Variants in ANKRD44 observed in about 807,000 individuals in gnomAD.
The protein encoded by ANKRD44 is ankyrin repeat domain 44.
ANKRD44 carries 35 observed loss-of-function variants against 116.0 expected under a neutral mutation model. That is an observed-to-expected ratio of 0.30 (90% CI 0.23 to 0.40). ANKRD44 has a LOEUF of 0.40. ANKRD44 is among the 10% of genes least tolerant of loss of function. The pLI is 1.00. For missense variants in ANKRD44, 1,014 were observed against 1,242.6 expected, an observed-to-expected ratio of 0.82 and a Z score of 2.77; for synonymous variants, 435 against 461.8, an observed-to-expected ratio of 0.94 and a Z score of 0.74.
At chr2:197,092,424 T>C (rs1185935568) in intron 10 of ANKRD44, among the ~76,000 whole-genome samples, 1 of 152,240 alleles carries the variant, frequency 6.6e-6, no homozygotes, top group Non-Finnish European at 1.5e-5. Context: ...GATGTGTGTG[T>C]GACTGTGAAA....
intron 8 of ANKRD44, 79 bp from the exon 9 acceptor site, chr2:197,110,923 A>G (rs2078550073): frequency 1.1e-6 from 1 of 925,902 alleles, no homozygotes; most frequent in African/African-American, 1.6e-5. Context: ...CCCTATGGAC[A>G]CTCCTAATAA....
chr2:197,289,973 A>T (rs567283008), intron 1 of ANKRD44, among the ~76,000 whole-genome samples: 1 of 151,200 alleles, frequency 6.6e-6, no homozygotes, highest in African/African-American at 2.4e-5. Flanking sequence ...AATTCTCCTA[A>T]CCTCAGCCTC....
intron 25 of ANKRD44, among the ~76,000 whole-genome samples, chr2:196,996,897 T>A (rs187089141): frequency 0.032 from 2,785 of 87,892 alleles, 38 homozygotes; most frequent in Non-Finnish European, 0.037. Context: ...AGTAAGACTC[T>A]GCCTCAAAAA....
intron 16 of ANKRD44, among the ~76,000 whole-genome samples, chr2:197,068,412 A>AAT (rs1559036743): frequency 6.7e-6 from 1 of 149,360 alleles, no homozygotes; most frequent in Non-Finnish European, 1.5e-5. Flanking sequence ...AATAAAATAA[A>AAT]AAAAAATAAA....
At chr2:197,265,872 TA>T (rs2082728623) in intron 1 of ANKRD44, among the ~76,000 whole-genome samples, 1 of 152,148 alleles carries the variant, frequency 6.6e-6, no homozygotes, top group African/African-American at 2.4e-5. Context: ...CAGTATGACA[TA>T]AGAGTTCTAA....
intron 16 of ANKRD44, among the ~76,000 whole-genome samples, chr2:197,043,840 T>C (rs912413884): frequency 1.3e-5 from 2 of 152,120 alleles, no homozygotes; most frequent in African/African-American, 4.8e-5. Flanking sequence ...TAGGGACATA[T>C]TTGAAAGCAC....
chr2:197,005,838 T>C lies in ANKRD44; in HGVS notation c.2203A>G (p.Arg735Gly). ...GCATAGTGCAAGGGCGTCCTCCCTC[T>C]GGAATCTTTACAGAGAATTGACACT... ...QEVSILCKDS[R>G]GRTPLHYAAA... Residue 735 changes from arginine (R) to glycine (G), a missense_variant, in exon 21 of 28, where the codon AGA (arginine) becomes GGA (glycine). By Grantham distance (125) the Arg-to-Gly change is moderately radical (BLOSUM62 -2). Coordinates refer to ENST00000282272, the MANE Select transcript of ANKRD44 (RefSeq NM_001195144.2). 6.2e-7 allele frequency: 1 copy of C among 1,614,274 alleles called. No individual in the cohort carries two copies. Among genetic ancestry groups the C allele is most frequent in the Non-Finnish European group, 8.5e-7 (1 of 1,180,052 alleles).
At chr2:197,229,646 A>C (rs553246773) in intron 1 of ANKRD44, among the ~76,000 whole-genome samples, 1 of 152,244 alleles carries the variant, frequency 6.6e-6, no homozygotes, top group South Asian at 2.1e-4. Flanking sequence ...ACTTCCCTAA[A>C]GTCTATATAC....
At position 197,063,053 on chromosome 2, in the gene ANKRD44, C is replaced by T. The variant is rs183593988; in HGVS notation, c.1650+15650G>A. On this transcript the variant is annotated intron_variant, in intron 16 of 27. Coordinates refer to ENST00000282272, the MANE Select transcript of ANKRD44 (RefSeq NM_001195144.2). The stretch of plus-strand genomic sequence containing the variant: ...GGTCCCTGACCCCCGAGTAGCCTAA[C>T]TGGGAGGCACCCTCCAGTAGGGGCC... Among the ~76,000 whole-genome samples the T allele has an allele frequency of 4.2e-3, 646 of 152,350 alleles. 15 individuals carry two copies. The East Asian group carries it at 0.055, about 13-fold the overall frequency.
At chr2:197,006,587 G>T (rs2076207098) in intron 20 of ANKRD44, among the ~76,000 whole-genome samples, 1 of 152,176 alleles carries the variant, frequency 6.6e-6, no homozygotes. Context: ...TATAAGAATA[G>T]TAATAACAAC....
chr2:197,061,111 C>G (rs1173786798), intron 16 of ANKRD44, among the ~76,000 whole-genome samples: 3 of 152,174 alleles, frequency 2.0e-5, no homozygotes, highest in African/African-American at 7.2e-5. Context: ...TACATTCTTC[C>G]ACTAATGCTA....
At position 197,099,941 on chromosome 2, in the gene ANKRD44, T is replaced by A. The variant is rs373475172; in HGVS notation, c.986-11A>T. ...AGTCAATTTCACCTCCTGAAAGAGA[T>A]ATTTTAATACAGGATAACGCAAGGA... On this transcript the variant is annotated splice_polypyrimidine_tract_variant and intron_variant, in intron 9 of 27. Transcript: ENST00000282272. 5 of 1,612,242 alleles carry A rather than the reference T, an allele frequency of 3.1e-6. No homozygotes were observed. The African/African-American group carries it at 6.7e-5, about 22-fold the overall frequency.
chr2:197,072,718 T>C lies in ANKRD44; in HGVS notation c.1650+5985A>G, dbSNP rs963680642. Reference sequence around the variant, plus strand: ...AAATCCGCAAATGTTTAAAGGATAATAGTTTATTTTTCCTTAGAGCTCAGC... The same window carrying C: ...AAATCCGCAAATGTTTAAAGGATAACAGTTTATTTTTCCTTAGAGCTCAGC... On this transcript the variant is annotated intron_variant, in intron 16 of 27. Transcript: ENST00000282272. Among the ~76,000 whole-genome samples the C allele has an allele frequency of 7.2e-4, 110 of 152,220 alleles. 1 individual carries two copies. Among genetic ancestry groups the C allele is most frequent in the Non-Finnish European group, 1.5e-4 (10 of 68,038 alleles).
intron 9 of ANKRD44, among the ~76,000 whole-genome samples, chr2:197,103,045 C>T (rs549764837): frequency 7.9e-5 from 12 of 151,946 alleles, no homozygotes; most frequent in Non-Finnish European, 1.2e-4. Flanking sequence ...CTGGCAAACA[C>T]GGTGAAACCC....
At chr2:197,140,350 C>T (rs1204273085) in intron 3 of ANKRD44, among the ~76,000 whole-genome samples, 6 of 152,004 alleles carry the variant, frequency 3.9e-5, no homozygotes, top group Admixed American at 3.9e-4. Context: ...GAGACAGGGT[C>T]TCACTCTGTC....
At chr2:196,999,563 CTTATTTATTTATTTATTTAT>C (rs375324261) in intron 23 of ANKRD44, among the ~76,000 whole-genome samples, 10 of 138,396 alleles carry the variant, frequency 7.2e-5, no homozygotes, top group Admixed American at 2.2e-4. Context: ...TGTACAGACA[CTTATTTATTTATTTATTTAT>C]TTATTTATTT....
At chr2:197,055,066 C>G (rs577382783) in intron 16 of ANKRD44, among the ~76,000 whole-genome samples, 17 of 152,302 alleles carry the variant, frequency 1.1e-4, no homozygotes, top group Non-Finnish European at 2.1e-4. Flanking sequence ...GATTTCTAAC[C>G]TATAACACTG....
In ANKRD44 at chr2:197,267,983, T is replaced by G. The variant is rs111308188; in HGVS notation, c.27+42595A>C. Reference sequence around the variant, plus strand: ...TTGACACAGAGTTTCAGGGTCAGGCTGGAGCTCCTTAAATCCTTGGATCCA... The same window carrying G: ...TTGACACAGAGTTTCAGGGTCAGGCGGGAGCTCCTTAAATCCTTGGATCCA... On this transcript the variant is annotated intron_variant, in intron 1 of 27. Coordinates refer to ENST00000282272, the MANE Select transcript of ANKRD44 (RefSeq NM_001195144.2). Among the ~76,000 whole-genome samples, 8 of 152,346 alleles carry G rather than the reference T, an allele frequency of 5.3e-5. 1 individual carries two copies. The highest frequency in any genetic ancestry group is 1.7e-4 in the African/African-American group (7 of 41,584).
chr2:197,247,574 G>A (rs969777663), intron 1 of ANKRD44, among the ~76,000 whole-genome samples: 4 of 152,298 alleles, frequency 2.6e-5, no homozygotes, highest in Non-Finnish European at 2.9e-5. Flanking sequence ...AATTTGTATC[G>A]TGCATGAGAG....
Sources: allele counts gnomAD v4.1 joint callset (sites outside exome capture counted in the v4.1 genomes callset), GRCh38; gene constraint gnomAD v4.1.1; transcripts MANE v1.5; gene names NCBI Gene and HGNC (gene_info 2026-07-23, HGNC 2026-07-21).